RASGEF1A: variants seen among roughly 807,000 people sequenced by gnomAD.
RASGEF1A encodes RasGEF domain family member 1A.
A neutral mutation model predicts 56.4 loss-of-function variants in RASGEF1A; 18 were observed. That is an observed-to-expected ratio of 0.32 (90% CI 0.22 to 0.47). The LOEUF (loss-of-function observed/expected upper bound fraction) is 0.47, where lower values mean the gene tolerates loss of function less well. Among genes scored for constraint, RASGEF1A ranks in the 20% least tolerant of loss-of-function variants. The probability of loss-of-function intolerance (pLI) is 1.00; values close to 1 mark genes in which losing one functional copy is unlikely to be tolerated. For missense variants in RASGEF1A, 422 were observed against 627.1 expected (o/e 0.67, Z 3.49); for synonymous variants, 245 against 242.6 (o/e 1.01, Z -0.09).
At chr10:43,203,857 G>C in intron 2 of RASGEF1A, 1 of 900,840 alleles carries the variant, frequency 1.1e-6, no homozygotes, top group Non-Finnish European at 1.3e-6. Flanking sequence ...GTTGGCACAG[G>C]AGCGGGGCCT....
intron 1 of RASGEF1A, among the ~76,000 whole-genome samples, chr10:43,211,466 A>G (rs1379903441): frequency 6.6e-6 from 1 of 152,164 alleles, no homozygotes; most frequent in Non-Finnish European, 1.5e-5. Context: ...CCTGCCTGCC[A>G]GGATGCGCTG....
At chr10:43,209,161 C>T in intron 1 of RASGEF1A, 1 of 985,518 alleles carries the variant, frequency 1.0e-6, no homozygotes, top group Non-Finnish European at 1.2e-6. Context: ...CTCTTGGCTC[C>T]AGTCACAGCA....
chr10:43,254,145 T>C (rs2133226923), intron 1 of RASGEF1A, among the ~76,000 whole-genome samples: 1 of 152,222 alleles, frequency 6.6e-6, no homozygotes, highest in Admixed American at 6.5e-5. Context: ...TGCAAGGAAG[T>C]GGGCTGCAGG....
In RASGEF1A at chr10:43,199,740, C is replaced by T. The variant is rs1204658363; in HGVS notation, c.785G>A (p.Ser262Asn). ...GAACCAGTTGTCATAGGCCTCCAGGCTGTAGGTCTTGGTCAGGTCCCCTCG... is the reference window on the plus strand; with the variant it reads ...GAACCAGTTGTCATAGGCCTCCAGGTTGTAGGTCTTGGTCAGGTCCCCTCG... ...RCRGDLTKTY[S>N]LEAYDNWFNC... The change falls in exon 7 of 13, where the codon AGC (serine) becomes AAC (asparagine). Residue 262 changes from serine to asparagine, a missense_variant. Physicochemically the swap from Ser to Asn is conservative, Grantham distance 46 (BLOSUM62 1). This residue lies in a region of RASGEF1A where 273 missense variants were observed against 339.9 expected (regional missense o/e 0.80). Transcript: ENST00000395810. 1 of 1,613,726 alleles carries T rather than the reference C, an allele frequency of 6.2e-7. No homozygotes were observed. The highest frequency in any genetic ancestry group is 1.1e-5 in the South Asian group (1 of 91,086).
At chr10:43,235,294 G>A (rs1028351562) in intron 1 of RASGEF1A, among the ~76,000 whole-genome samples, 13 of 152,332 alleles carry the variant, frequency 8.5e-5, no homozygotes, top group Middle Eastern at 6.8e-3. Flanking sequence ...CTCCCCAGTC[G>A]TCTGAGTCAG....
intron 1 of RASGEF1A, among the ~76,000 whole-genome samples, chr10:43,225,281 G>T (rs1490779899): frequency 7.2e-6 from 1 of 138,192 alleles, no homozygotes; most frequent in East Asian, 2.2e-4. Context: ...CTGTGTCTGT[G>T]TGTTTCTGTG....
At chr10:43,255,224 C>CCCAGGCCCCAGCGCCCT (rs906280508) in intron 1 of RASGEF1A, among the ~76,000 whole-genome samples, 4 of 152,168 alleles carry the variant, frequency 2.6e-5, no homozygotes, top group Non-Finnish European at 4.4e-5. Flanking sequence ...CACGGCCCCA[C>CCCAGGCCCCAGCGCCCT]CCAGGCCCCA....
At chr10:43,222,956 G>C (rs938941450) in intron 1 of RASGEF1A, among the ~76,000 whole-genome samples, 1 of 152,140 alleles carries the variant, frequency 6.6e-6, no homozygotes, top group Non-Finnish European at 1.5e-5. Context: ...GTATTAGAAT[G>C]TTGTGCTAAA....
Position 43,210,157 on chromosome 10 carries a change from C to T in RASGEF1A, c.-6-4035G>A, listed in dbSNP as rs547966906. ...CCCACCTGTGTGAGAACCTCAGCCT[C>T]CAGGTAAGCTGCACCGGCTAACTCA... On this transcript the variant is annotated intron_variant, in intron 1 of 12. Coordinates refer to ENST00000395810, the MANE Select transcript of RASGEF1A (RefSeq NM_145313.4). Among the ~76,000 whole-genome samples the T allele has an allele frequency of 2.0e-5, 3 of 152,370 alleles. No individual in the cohort carries two copies. In the South Asian group the frequency reaches 6.2e-4, roughly 32 times the overall value.
chr10:43,253,180 C>T (rs1198477663), intron 1 of RASGEF1A, among the ~76,000 whole-genome samples: 2 of 152,198 alleles, frequency 1.3e-5, no homozygotes, highest in African/African-American at 2.4e-5. Flanking sequence ...GCCTTCCTGA[C>T]ACCCACCCCA....
intron 1 of RASGEF1A, among the ~76,000 whole-genome samples, chr10:43,247,927 GGTGGCACAC>G (rs1309941233): frequency 6.6e-6 from 1 of 151,818 alleles, no homozygotes; most frequent in Non-Finnish European, 1.5e-5. Flanking sequence ...AGCCAGCCAT[GGTGGCACAC>G]ACCTGTAATC....
chr10:43,213,431 G>A (rs1472974388), intron 1 of RASGEF1A, among the ~76,000 whole-genome samples: 1 of 152,198 alleles, frequency 6.6e-6, no homozygotes, highest in Non-Finnish European at 1.5e-5. Context: ...GCTAGACTGA[G>A]GGTCCAGGGT....
chr10:43,200,975 G>A, intron 4 of RASGEF1A, 87 bp from the exon 5 acceptor site: 1 of 1,268,138 alleles, frequency 7.9e-7, no homozygotes, highest in Non-Finnish European at 1.1e-6. Context: ...CACCTCCAGG[G>A]ATGTGCCTAA....
chr10:43,205,890 TCTCA>T, intron 2 of RASGEF1A, 25 bp downstream of exon 2: 1 of 1,576,504 alleles, frequency 6.3e-7, no homozygotes, highest in Non-Finnish European at 8.7e-7. Flanking sequence ...ACCCCATTAG[TCTCA>T]CTCCACAAGG....
intron 1 of RASGEF1A, chr10:43,207,152 C>G: frequency 1.0e-6 from 1 of 985,474 alleles, no homozygotes; most frequent in Non-Finnish European, 1.2e-6. Context: ...CTGCCTGTGG[C>G]CTTGCCTGCA....
chr10:43,216,586 C>A (rs923171799), intron 1 of RASGEF1A, among the ~76,000 whole-genome samples: 1 of 152,188 alleles, frequency 6.6e-6, no homozygotes, highest in Non-Finnish European at 1.5e-5. Context: ...ATTTTGCCCC[C>A]CTCCTGGATA....
chr10:43,263,997 G>C (rs1012223797), intron 1 of RASGEF1A, among the ~76,000 whole-genome samples: 1 of 152,084 alleles, frequency 6.6e-6, no homozygotes, highest in Non-Finnish European at 1.5e-5. Flanking sequence ...ATGGTGCCTG[G>C]AGCAGCCTCT....
chr10:43,247,443 C>CA (rs1438832809), intron 1 of RASGEF1A, among the ~76,000 whole-genome samples: 4 of 152,184 alleles, frequency 2.6e-5, no homozygotes, highest in Non-Finnish European at 5.9e-5. Flanking sequence ...TCTGTCCACA[C>CA]AAAAACTTGT....
chr10:43,241,609 A>C (rs147587447), intron 1 of RASGEF1A, among the ~76,000 whole-genome samples: 88 of 152,348 alleles, frequency 5.8e-4, no homozygotes, highest in African/African-American at 2.0e-3. Context: ...GATAATATCT[A>C]AATATCTATT....
Sources: gnomAD v4.1 joint callset for allele counts (sites outside exome capture counted in the v4.1 genomes callset) on GRCh38, gnomAD v4.1.1 for gene constraint, gnomAD v4.1.1 regional missense constraint, MANE v1.5 for transcripts, NCBI Gene and HGNC (gene_info 2026-07-23, HGNC 2026-07-21) for gene names.